Variants in ERN1 observed in about 807,000 individuals in gnomAD.
The protein encoded by ERN1 is serine/threonine-protein kinase/endoribonuclease IRE1.
ERN1 carries 39 observed loss-of-function variants against 113.1 expected under a neutral mutation model. That is an observed-to-expected ratio of 0.34 (90% CI 0.27 to 0.45). The LOEUF (loss-of-function observed/expected upper bound fraction) is 0.45. Among genes scored for constraint, ERN1 ranks in the 20% least tolerant of loss-of-function variants. The pLI, the probability that ERN1 is intolerant of heterozygous loss-of-function variation, is 1.00. For missense variants in ERN1, 976 were observed against 1,274.8 expected, an observed-to-expected ratio of 0.77 and a Z score of 3.57; for synonymous variants, 507 against 515.9, an observed-to-expected ratio of 0.98 and a Z score of 0.23.
chr17:64,112,740 G>A (rs140547937), intron 1 of ERN1, among the ~76,000 whole-genome samples: 237 of 152,350 alleles, frequency 1.6e-3, no homozygotes, highest in African/African-American at 5.4e-3. Context: ...CCAAGGGCAT[G>A]AGATCTCCAT....
Position 64,110,199 on chromosome 17 carries a change from A to T in ERN1, c.55-11958T>A, listed in dbSNP as rs557073828. Among the ~76,000 whole-genome samples, 16 of 152,306 alleles carry T rather than the reference A, an allele frequency of 1.1e-4. No homozygotes were observed. In the South Asian group the frequency reaches 1.9e-3, roughly 18 times the overall value. ...CACACTTACCCAAACCAGTCTTTTT[A>T]AAAAAAGTTTGTTTTTATTTTTTAC... On this transcript the variant is annotated intron_variant, in intron 1 of 21. Transcript: ENST00000433197.
At chr17:64,122,370 G>A (rs574084616) in intron 1 of ERN1, among the ~76,000 whole-genome samples, 94 of 152,166 alleles carry the variant, frequency 6.2e-4, no homozygotes, top group Non-Finnish European at 1.3e-3. Context: ...AGGGATGTGC[G>A]CCATATTTCT....
chr17:64,073,307 T>G (rs1222657484), intron 5 of ERN1, among the ~76,000 whole-genome samples: 1 of 148,678 alleles, frequency 6.7e-6, no homozygotes, highest in Non-Finnish European at 1.5e-5. Context: ...TAGCTGGGAC[T>G]ACAGGTGCGT....
At chr17:64,080,557 AT>A in intron 3 of ERN1, 1 of 506,322 alleles carries the variant, frequency 2.0e-6, no homozygotes, top group Non-Finnish European at 3.5e-6. Flanking sequence ...TTCATCTCAA[AT>A]AAGCCTTTTT....
At chr17:64,060,063 G>A (rs1567865225) in intron 11 of ERN1, among the ~76,000 whole-genome samples, 1 of 151,936 alleles carries the variant, frequency 6.6e-6, no homozygotes, top group Non-Finnish European at 1.5e-5. Context: ...ACCCATGTGA[G>A]CCCATTTCCT....
Position 64,121,929 on chromosome 17 carries a change from G to A in ERN1, c.54+8047C>T, listed in dbSNP as rs1455045775. Among the ~76,000 whole-genome samples the A allele has an allele frequency of 2.6e-5, 4 of 152,154 alleles. No individual in the cohort carries two copies. The East Asian group carries it at 7.7e-4, about 29-fold the overall frequency. On this transcript the variant is annotated intron_variant, in intron 1 of 21. Coordinates refer to ENST00000433197, the MANE Select transcript of ERN1 (RefSeq NM_001433.5). ...GCATCTTCGCACAACTGCAACAAAGGGTAGAAGGCCATGATTCTTAACGGA... is the reference window on the plus strand; with the variant it reads ...GCATCTTCGCACAACTGCAACAAAGAGTAGAAGGCCATGATTCTTAACGGA...
At position 64,047,928 on chromosome 17, in the gene ERN1, C is replaced by T. The variant is rs1327431747; in HGVS notation, c.2459G>A (p.Arg820His). The part of the protein sequence containing the change: ...EKMIAMDPQK[R>H]PSAKHVLKHP... ...TTTGAGCACATGCTTCGCTGAGGGGCGTTTCTGAGGATCCATCGCAATCAT... is the reference window on the plus strand; with the variant it reads ...TTTGAGCACATGCTTCGCTGAGGGGTGTTTCTGAGGATCCATCGCAATCAT... Residue 820 changes from arginine (R) to histidine (H), a missense_variant, in exon 19 of 22, where the codon CGC (arginine) becomes CAC (histidine). Physicochemically the swap from Arg to His is conservative, Grantham distance 29. Transcript: ENST00000433197. 1.2e-6 allele frequency: 2 copies of T among 1,613,324 alleles called. No individual in the cohort carries two copies. Among genetic ancestry groups the T allele is most frequent in the African/African-American group, 1.3e-5 (1 of 75,038 alleles).
At chr17:64,121,576 G>A (rs1183071434) in intron 1 of ERN1, among the ~76,000 whole-genome samples, 1 of 152,098 alleles carries the variant, frequency 6.6e-6, no homozygotes, top group Non-Finnish European at 1.5e-5. Flanking sequence ...TGCAACCTCC[G>A]CCTCCCAGGT....
At chr17:64,081,095 G>A (rs1913753072) in intron 2 of ERN1, among the ~76,000 whole-genome samples, 1 of 152,202 alleles carries the variant, frequency 6.6e-6, no homozygotes, top group Non-Finnish European at 1.5e-5. Context: ...ATATAACTTG[G>A]GGGATGGATG....
At chr17:64,095,124 A>G (rs1007231007) in intron 2 of ERN1, among the ~76,000 whole-genome samples, 1 of 152,124 alleles carries the variant, frequency 6.6e-6, no homozygotes, top group Non-Finnish European at 1.5e-5. Context: ...TCTTAGAAAA[A>G]CAGATCATCA....
intron 1 of ERN1, among the ~76,000 whole-genome samples, chr17:64,114,559 G>C (rs115073472): frequency 6.6e-5 from 10 of 152,212 alleles, no homozygotes; most frequent in Admixed American, 3.3e-4. Flanking sequence ...AGAAGGCAGA[G>C]GGGATATGGG....
intron 12 of ERN1, among the ~76,000 whole-genome samples, chr17:64,056,592 C>A (rs1297346530): frequency 6.6e-6 from 1 of 152,234 alleles, no homozygotes; most frequent in African/African-American, 2.4e-5. Flanking sequence ...CTGAAGGATT[C>A]ATTCTGTCAT....
chr17:64,054,249 C>T lies in ERN1; in HGVS notation c.1953+1G>A, dbSNP rs1275557683. On this transcript the variant is annotated splice_donor_variant, in intron 15 of 21. Transcript: ENST00000433197. LOFTEE classifies it high-confidence loss of function. The surrounding 1 kb of genome is among the most constrained non-coding windows in gnomAD (Gnocchi z 4.9). Reference sequence around the variant, plus strand: ...TAACAAAATAAAAAAAATAAATCCACCTCTTGCAGGGTGGCTGCACACAGC... The same window carrying T: ...TAACAAAATAAAAAAAATAAATCCATCTCTTGCAGGGTGGCTGCACACAGC... The T allele has an allele frequency of 1.2e-6, 2 of 1,606,498 alleles. No homozygotes were observed. Among genetic ancestry groups the T allele is most frequent in the Non-Finnish European group, 1.7e-6 (2 of 1,175,040 alleles).
rs116187411 is a variant in ERN1, at chr17:64,117,718, A to G, written c.54+12258T>C. Among the ~76,000 whole-genome samples, 1,057 of 152,228 alleles carry G rather than the reference A, an allele frequency of 6.9e-3. 10 individuals carry two copies. Among genetic ancestry groups the G allele is most frequent in the African/African-American group, 0.024 (1,014 of 41,536 alleles). Reference sequence around the variant, plus strand: ...TCAGGGAAGGCCCTAGGCCCTATACAAGACAGGTGAGCGAGAGCCGATGAA... The same window carrying G: ...TCAGGGAAGGCCCTAGGCCCTATACGAGACAGGTGAGCGAGAGCCGATGAA... On this transcript the variant is annotated intron_variant, in intron 1 of 21. Transcript: ENST00000433197.
chr17:64,089,694 C>T (rs1325768203), intron 2 of ERN1, among the ~76,000 whole-genome samples: 3 of 151,932 alleles, frequency 2.0e-5, no homozygotes, highest in Non-Finnish European at 2.9e-5. Flanking sequence ...TAGACCCGAG[C>T]CGGGGTGGAG....
intron 2 of ERN1, among the ~76,000 whole-genome samples, chr17:64,082,176 T>C (rs756025967): frequency 9.2e-5 from 14 of 152,324 alleles, no homozygotes; most frequent in Middle Eastern, 3.4e-3. Context: ...CAAAGGCATA[T>C]GGTGTTCACA....
Position 64,056,066 on chromosome 17 carries a change from G to T in ERN1, c.1399-118C>A, listed in dbSNP as rs933035501. On this transcript the variant is annotated intron_variant, in intron 12 of 21. Transcript: ENST00000433197. ...ATGTGTACTTTATGTGACCCAACAG[G>T]GCACAAAGAGACCAGTGAGAAGGCA... The T allele has an allele frequency of 2.8e-6, 4 of 1,416,392 alleles. No homozygotes were observed. In the Admixed American group the frequency reaches 1.2e-4, roughly 41 times the overall value. The allele number at this position is 1,416,392 out of a possible 1,614,324, so 87.7% of individuals were successfully genotyped here. A position where few individuals can be genotyped will look rare whatever the true frequency, so the allele number is the denominator to read the frequency against.
At chr17:64,091,555 C>T (rs1482435902) in intron 2 of ERN1, among the ~76,000 whole-genome samples, 2 of 152,200 alleles carry the variant, frequency 1.3e-5, no homozygotes, top group African/African-American at 4.8e-5. Flanking sequence ...AAAGCACCTC[C>T]AGAACCCAGA....
chr17:64,065,130 T>G, intron 9 of ERN1, 79 bp downstream of exon 9: 2 of 936,318 alleles, frequency 2.1e-6, no homozygotes, highest in South Asian at 1.6e-5. Flanking sequence ...TGCAGGATGC[T>G]CATGCATAGC....
Sources: gnomAD v4.1 joint callset for allele counts (sites outside exome capture counted in the v4.1 genomes callset) on GRCh38, gnomAD v4.1.1 for gene constraint, Gnocchi (gnomAD v3.1) non-coding constraint, MANE v1.5 for transcripts, NCBI Gene and HGNC (gene_info 2026-07-23, HGNC 2026-07-21) for gene names.